PLEKHA5: variants seen among roughly 807,000 people sequenced by gnomAD.
PLEKHA5 encodes the protein pleckstrin homology domain containing A5.
In PLEKHA5, 55 loss-of-function variants were observed where a neutral mutation model predicts 181.9. That is an observed-to-expected ratio of 0.30 (90% CI 0.24 to 0.38). PLEKHA5 has a LOEUF of 0.38. Among genes scored for constraint, PLEKHA5 ranks in the 10% least tolerant of loss-of-function variants. The pLI, the probability that PLEKHA5 is intolerant of heterozygous loss-of-function variation, is 1.00. For synonymous variants in PLEKHA5, 535 were observed against 529.4 expected, an observed-to-expected ratio of 1.01 and a Z score of -0.15; for missense variants, 1,432 against 1,549.5, an observed-to-expected ratio of 0.92 and a Z score of 1.27.
chr12:19,241,685 G>C (rs565840864), intron 3 of PLEKHA5, among the ~76,000 whole-genome samples: 75 of 151,470 alleles, frequency 5.0e-4, no homozygotes, highest in African/African-American at 1.7e-3. Context: ...GAACCCAGGA[G>C]TTAGAGGTTG....
intron 11 of PLEKHA5, 66 bp from the exon 12 acceptor site, chr12:19,283,214 C>A (rs2152801670): frequency 1.2e-5 from 9 of 763,388 alleles, no homozygotes; most frequent in Non-Finnish European, 1.8e-5. Context: ...AAGAAATGTA[C>A]TCTAATTTAG....
chr12:19,143,262 CT>C (rs961120256), intron 3 of PLEKHA5, among the ~76,000 whole-genome samples: 23 of 152,134 alleles, frequency 1.5e-4, no homozygotes, highest in African/African-American at 5.1e-4. Flanking sequence ...CAAGGATTTC[CT>C]TTTTTCTGCA....
chr12:19,367,588 T>C (rs1001531672), intron 30 of PLEKHA5, among the ~76,000 whole-genome samples: 1 of 151,184 alleles, frequency 6.6e-6, no homozygotes, highest in Non-Finnish European at 1.5e-5. Context: ...TTTTATTTTA[T>C]TTTATTTTTG....
Position 19,265,851 on chromosome 12 carries a change from G to A in PLEKHA5, c.711+1G>A. Reference sequence around the variant, plus strand: ...CATTAATCGCAAATATGCTTTTAAGGTAAGGAAATAATGCAGTTTTTAATT... The same window carrying A: ...CATTAATCGCAAATATGCTTTTAAGATAAGGAAATAATGCAGTTTTTAATT... On this transcript the variant is annotated splice_donor_variant, in intron 8 of 31. Coordinates refer to ENST00000429027, the MANE Select transcript of PLEKHA5 (RefSeq NM_001256470.2). LOFTEE classifies it high-confidence loss of function. The A allele has an allele frequency of 6.5e-7, 1 of 1,544,250 alleles. No individual in the cohort carries two copies. The highest frequency in any genetic ancestry group is 8.9e-7 in the Non-Finnish European group (1 of 1,121,568).
chr12:19,253,042 C>T (rs1414933167), intron 3 of PLEKHA5, among the ~76,000 whole-genome samples: 5 of 116,924 alleles, frequency 4.3e-5, no homozygotes, highest in Non-Finnish European at 9.4e-5. Context: ...GTGTAAAGAG[C>T]TAAACAGCCA....
At chr12:19,251,983 T>C (rs2065455533) in intron 3 of PLEKHA5, among the ~76,000 whole-genome samples, 1 of 152,122 alleles carries the variant, frequency 6.6e-6, no homozygotes, top group South Asian at 2.1e-4. Flanking sequence ...AAGTGCTGTA[T>C]CTATTAAATT....
intron 20 of PLEKHA5, among the ~76,000 whole-genome samples, chr12:19,334,780 G>C (rs1282981066): frequency 4.7e-5 from 6 of 126,882 alleles, no homozygotes; most frequent in African/African-American, 1.7e-4. Flanking sequence ...CCAGCAGTTA[G>C]AGAGCAACCT....
intron 3 of PLEKHA5, among the ~76,000 whole-genome samples, chr12:19,230,051 C>G (rs1184488699): frequency 6.6e-6 from 1 of 151,838 alleles, no homozygotes; most frequent in Non-Finnish European, 1.5e-5. Flanking sequence ...TAGCTAGATA[C>G]AGAGTGCTGG....
intron 3 of PLEKHA5, among the ~76,000 whole-genome samples, chr12:19,180,953 A>G (rs1471803854): frequency 2.0e-5 from 3 of 152,030 alleles, no homozygotes; most frequent in Admixed American, 2.0e-4. Flanking sequence ...CTGTTTTTAA[A>G]GAACTCCACA....
intron 15 of PLEKHA5, among the ~76,000 whole-genome samples, chr12:19,311,156 G>A (rs750687955): frequency 3.9e-5 from 6 of 151,956 alleles, no homozygotes; most frequent in East Asian, 1.9e-4. Flanking sequence ...GAGTGGGGTC[G>A]GGCATGGTGT....
intron 3 of PLEKHA5, 53 bp downstream of exon 3, chr12:19,132,503 C>T: frequency 1.1e-6 from 1 of 877,176 alleles, no homozygotes. Context: ...GCTGTGATTA[C>T]TCCTCAGCTG....
chr12:19,322,520 C>T lies in PLEKHA5; in HGVS notation c.2301C>T (p.Tyr767=), dbSNP rs2091131457. ...EKLQQLHKEK[Y]TLEQALLSAS... ...TGTAATTCTTTTTATCATAATAGTACACGCTTGAGCAAGCTTTGCTATCAG... is the reference window on the plus strand; with the variant it reads ...TGTAATTCTTTTTATCATAATAGTATACGCTTGAGCAAGCTTTGCTATCAG... Residue 767 remains tyrosine (Y), a splice_region_variant and synonymous_variant, in exon 20 of 32, where the codon TAC becomes TAT. Transcript: ENST00000429027. 3 of 1,613,518 alleles carry T rather than the reference C, an allele frequency of 1.9e-6. No individual in the cohort carries two copies. Among genetic ancestry groups the T allele is most frequent in the African/African-American group, 1.3e-5 (1 of 74,898 alleles).
intron 3 of PLEKHA5, among the ~76,000 whole-genome samples, chr12:19,251,923 C>A (rs2065437190): frequency 6.6e-6 from 1 of 152,012 alleles, no homozygotes; most frequent in South Asian, 2.1e-4. Context: ...TCCGTTGTGC[C>A]AAGACAATGG....
intron 3 of PLEKHA5, among the ~76,000 whole-genome samples, chr12:19,229,242 A>G (rs1473866068): frequency 6.6e-6 from 1 of 152,172 alleles, no homozygotes; most frequent in Non-Finnish European, 1.5e-5. Context: ...ATGAGACCAC[A>G]TGACTGTGTC....
At chr12:19,305,861 CA>C (rs376068601) in intron 15 of PLEKHA5, among the ~76,000 whole-genome samples, 182 of 37,890 alleles carry the variant, frequency 4.8e-3, no homozygotes, top group Non-Finnish European at 5.7e-3. Flanking sequence ...AACTCCATCT[CA>C]AAAAAAAAAA....
chr12:19,257,429 T>G lies in PLEKHA5; in HGVS notation c.433-4T>G. ...ATTTTCTGTCATGCTCTTTTTCTATTTAGACTTCACGAGCTTCAAAAAAAG... is the reference window on the plus strand; with the variant it reads ...ATTTTCTGTCATGCTCTTTTTCTATGTAGACTTCACGAGCTTCAAAAAAAG... On this transcript the variant is annotated splice_region_variant and splice_polypyrimidine_tract_variant and intron_variant, in intron 5 of 31. Coordinates refer to ENST00000429027, the MANE Select transcript of PLEKHA5 (RefSeq NM_001256470.2). 1 of 1,468,294 alleles carries G rather than the reference T, an allele frequency of 6.8e-7. No homozygotes were observed. The highest frequency in any genetic ancestry group is 9.5e-7 in the Non-Finnish European group (1 of 1,055,776). The allele number at this position is 1,468,294 out of a possible 1,614,324, so 91.0% of individuals were successfully genotyped here.
chr12:19,145,683 C>T (rs1012377299), intron 3 of PLEKHA5, among the ~76,000 whole-genome samples: 14 of 151,928 alleles, frequency 9.2e-5, no homozygotes, highest in East Asian at 1.9e-4. Flanking sequence ...CTATTTCCCC[C>T]GCCCCCTGCC....
At chr12:19,215,291 A>G (rs1483044349) in intron 3 of PLEKHA5, among the ~76,000 whole-genome samples, 1 of 152,212 alleles carries the variant, frequency 6.6e-6, no homozygotes, top group Non-Finnish European at 1.5e-5. Context: ...GCTAGCCAAA[A>G]GTTTTTTTTT....
chr12:19,284,981 T>A (rs1188827268), intron 12 of PLEKHA5, among the ~76,000 whole-genome samples: 1 of 152,228 alleles, frequency 6.6e-6, no homozygotes, highest in East Asian at 1.9e-4. Context: ...TAAAATGCTC[T>A]TTTCTTATCC....
Sources: allele counts gnomAD v4.1 joint callset (sites outside exome capture counted in the v4.1 genomes callset), GRCh38; gene constraint gnomAD v4.1.1; transcripts MANE v1.5; gene names NCBI Gene and HGNC (gene_info 2026-07-23, HGNC 2026-07-21).